The following SEMA3A variants were observed in gnomAD, a reference collection of about 807,000 sequenced individuals.
SEMA3A encodes the protein semaphorin 3A, also known as semaphorin-3A.
A neutral mutation model predicts 97.9 loss-of-function variants in SEMA3A; 29 were observed. That is an observed-to-expected ratio of 0.30 (90% CI 0.22 to 0.40). SEMA3A has a LOEUF of 0.40. Ranked by LOEUF, SEMA3A falls within the 10% of genes least tolerant of loss-of-function variation. The probability of loss-of-function intolerance (pLI) is 1.00; values close to 1 mark genes in which losing one functional copy is unlikely to be tolerated. For synonymous variants in SEMA3A, 321 were observed against 323.7 expected (o/e 0.99, Z 0.09); for missense variants, 763 against 951.3 (o/e 0.80, Z 2.60).
At chr7:84,355,067 A>C (rs947769007) in intron 2 of SEMA3A, among the ~76,000 whole-genome samples, 1 of 151,814 alleles carries the variant, frequency 6.6e-6, no homozygotes, top group Non-Finnish European at 1.5e-5. Flanking sequence ...CTGGGAAATT[A>C]AGTATACAGA....
chr7:84,148,028 G>A (rs964435111), intron 1 of SEMA3A, among the ~76,000 whole-genome samples: 1 of 150,720 alleles, frequency 6.6e-6, no homozygotes. Context: ...TCATGCCTCG[G>A]CCTCCTGAGT....
chr7:84,271,391 T>G (rs1800149557), intron 3 of SEMA3A, among the ~76,000 whole-genome samples: 2 of 152,076 alleles, frequency 1.3e-5, no homozygotes, highest in African/African-American at 4.8e-5. Context: ...TACACACATT[T>G]AAAGAGACTA....
At chr7:84,288,868 T>C (rs1030821963) in intron 3 of SEMA3A, among the ~76,000 whole-genome samples, 1 of 151,998 alleles carries the variant, frequency 6.6e-6, no homozygotes, top group African/African-American at 2.4e-5. Flanking sequence ...TGGGTACATA[T>C]CTAAAAGAAA....
chr7:84,102,448 A>G (rs1794984535), intron 4 of SEMA3A, among the ~76,000 whole-genome samples: 1 of 152,176 alleles, frequency 6.6e-6, no homozygotes, highest in Non-Finnish European at 1.5e-5. Context: ...TAAGGAAAAG[A>G]GCAGTATTAA....
intron 5 of SEMA3A, 67 bp from the exon 6 acceptor site, chr7:84,046,510 AC>A: frequency 6.3e-7 from 1 of 1,579,110 alleles, no homozygotes; most frequent in Admixed American, 1.7e-5. Context: ...ACAAAACAAA[AC>A]AAACAAAATG....
chr7:84,372,811 G>A (rs766043757), intron 1 of SEMA3A, among the ~76,000 whole-genome samples: 1 of 152,130 alleles, frequency 6.6e-6, no homozygotes, highest in Non-Finnish European at 1.5e-5. Context: ...GTGCTAGCTT[G>A]TATTACTGGC....
intron 4 of SEMA3A, among the ~76,000 whole-genome samples, chr7:84,096,771 C>A (rs544114289): frequency 5.9e-5 from 9 of 152,066 alleles, no homozygotes; most frequent in Non-Finnish European, 1.0e-4. Flanking sequence ...AAAGCAGGTA[C>A]ACAAGTCACT....
intron 1 of SEMA3A, among the ~76,000 whole-genome samples, chr7:84,386,158 C>T (rs541726263): frequency 1.3e-5 from 2 of 152,232 alleles, no homozygotes; most frequent in Admixed American, 6.5e-5. Flanking sequence ...ATTAAAATAA[C>T]ATCTCACTTC....
chr7:84,111,969 C>T (rs779953719), intron 3 of SEMA3A, among the ~76,000 whole-genome samples: 1 of 152,108 alleles, frequency 6.6e-6, no homozygotes, highest in Non-Finnish European at 1.5e-5. Flanking sequence ...ACAAGCTCTC[C>T]ATTCTGTAAG....
intron 3 of SEMA3A, among the ~76,000 whole-genome samples, chr7:84,110,854 AATTT>A (rs1487513688): frequency 4.6e-5 from 7 of 152,090 alleles, no homozygotes; most frequent in African/African-American, 1.7e-4. Context: ...AACTATTTTT[AATTT>A]ATTTATACAA....
intron 5 of SEMA3A, among the ~76,000 whole-genome samples, chr7:84,050,262 T>A (rs934196062): frequency 4.0e-5 from 6 of 151,578 alleles, no homozygotes; most frequent in Non-Finnish European, 8.9e-5. Flanking sequence ...ATGGTATTTC[T>A]AGATCTCTGA....
Position 84,132,716 on chromosome 7 carries a change from C to A in SEMA3A, c.270+2078G>T, listed in dbSNP as rs1240408658. On this transcript the variant is annotated intron_variant, in intron 2 of 16. Transcript: ENST00000265362. Reference sequence around the variant, plus strand: ...TTTGAGACGGAGTCTCGCTCTGTCACCCAGGCTGGAGTGCAATGGCATGAT... The same window carrying A: ...TTTGAGACGGAGTCTCGCTCTGTCAACCAGGCTGGAGTGCAATGGCATGAT... 6.7e-5 allele frequency among the ~76,000 whole-genome samples: 8 copies of A among 119,810 alleles called. No individual in the cohort carries two copies. The Admixed American group carries it at 9.2e-4, about 14-fold the overall frequency. The allele number at this position is 119,810 out of a possible 152,430, so 78.6% of individuals were successfully genotyped here.
intron 1 of SEMA3A, among the ~76,000 whole-genome samples, chr7:84,430,821 GTA>G (rs1804960983): frequency 6.7e-6 from 1 of 148,570 alleles, no homozygotes; most frequent in African/African-American, 2.5e-5. Context: ...GTGTGTGTGT[GTA>G]TTTAGATTAT....
chr7:84,027,044 A>C (rs566314906), intron 6 of SEMA3A, among the ~76,000 whole-genome samples: 33 of 152,302 alleles, frequency 2.2e-4, no homozygotes, highest in Admixed American at 2.0e-4. Flanking sequence ...GTGTGTACCT[A>C]CAAAAAAATG....
chr7:84,202,580 G>GCAAT, intron 3 of SEMA3A, among the ~76,000 whole-genome samples: 1 of 152,090 alleles, frequency 6.6e-6, no homozygotes, highest in East Asian at 1.9e-4. Context: ...GCCACAGTGT[G>GCAAT]CAATCCAGCG....
chr7:84,117,154 T>A (rs1795457135), intron 3 of SEMA3A, among the ~76,000 whole-genome samples: 1 of 152,172 alleles, frequency 6.6e-6, no homozygotes, highest in African/African-American at 2.4e-5. Context: ...TTCCCAAATA[T>A]GCACATATAT....
At chr7:84,066,157 C>T (rs990713587) in intron 4 of SEMA3A, among the ~76,000 whole-genome samples, 3 of 151,676 alleles carry the variant, frequency 2.0e-5, no homozygotes, top group African/African-American at 7.3e-5. Flanking sequence ...TAAACAGAGC[C>T]AAAGACAAAA....
rs113894429 is a variant in SEMA3A at position 84,487,516 on chromosome 7, T to A, written c.-246+4944A>T. ...TGGTTCCCTGGTAAAAGGCTTGTAA[T>A]GTCAAGTAAGAACAGAAAGAGGGAG... On this transcript the variant is annotated intron_variant, in intron 1 of 3. Transcript: ENST00000424555. 7.2e-5 allele frequency among the ~76,000 whole-genome samples: 11 copies of A among 152,260 alleles called. 1 individual carries two copies. The highest frequency in any genetic ancestry group is 2.6e-4 in the African/African-American group (11 of 41,554).
chr7:84,046,563 G>A lies in SEMA3A; in HGVS notation c.548-120C>T. The A allele has an allele frequency of 2.8e-6, 3 of 1,067,934 alleles. No individual in the cohort carries two copies. In the South Asian group the frequency reaches 4.4e-5, roughly 16 times the overall value. The allele number at this position is 1,067,934 out of a possible 1,614,324, so 66.2% of individuals were successfully genotyped here. A position where few individuals can be genotyped will look rare whatever the true frequency, so the allele number is the denominator to read the frequency against. On this transcript the variant is annotated intron_variant, in intron 5 of 16. Transcript: ENST00000265362. ...ACCATGCTAAGAGGAAAACTGAAAT[G>A]CTCTCTGCATCATTATGCAGTTACT...
Sources: allele counts gnomAD v4.1 joint callset (sites outside exome capture counted in the v4.1 genomes callset), GRCh38; gene constraint gnomAD v4.1.1; transcripts MANE v1.5; gene names NCBI Gene and HGNC (gene_info 2026-07-23, HGNC 2026-07-21).